VSTM2B: variants seen among roughly 807,000 people sequenced by gnomAD.
The protein encoded by VSTM2B is V-set and transmembrane domain containing 2B, also known as V-set and transmembrane domain-containing protein 2B.
VSTM2B carries 24 observed loss-of-function variants against 24.0 expected under a neutral mutation model. The observed-to-expected ratio is 1.00, with a 90% CI of 0.72 to 1.40. The LOEUF is 1.40. VSTM2B is among the 40% of genes most tolerant of loss of function. The pLI is 0.00. For missense variants in VSTM2B, 399 were observed against 416.4 expected, an observed-to-expected ratio of 0.96 and a Z score of 0.36; for synonymous variants, 226 against 194.4, an observed-to-expected ratio of 1.16 and a Z score of -1.35.
intron 4 of VSTM2B, among the ~76,000 whole-genome samples, chr19:29,556,359 T>TA (rs1417646468): frequency 2.0e-5 from 3 of 152,118 alleles, no homozygotes; most frequent in Admixed American, 1.3e-4. Flanking sequence ...AACTCTCAAT[T>TA]AACTAGGTAT....
At chr19:29,550,816 T>C in intron 4 of VSTM2B, among the ~76,000 whole-genome samples, 1 of 148,308 alleles carries the variant, frequency 6.7e-6, no homozygotes, top group East Asian at 2.0e-4. Flanking sequence ...TTTTACTTAC[T>C]CTTCTCAAAC....
At chr19:29,553,795 G>A (rs185108636) in intron 4 of VSTM2B, among the ~76,000 whole-genome samples, 13 of 152,234 alleles carry the variant, frequency 8.5e-5, no homozygotes, top group Admixed American at 4.6e-4. Flanking sequence ...ATCAATAGCC[G>A]AATTGACCAA....
At chr19:29,556,580 G>C (rs182230689) in intron 4 of VSTM2B, among the ~76,000 whole-genome samples, 173 of 149,784 alleles carry the variant, frequency 1.2e-3, no homozygotes, top group African/African-American at 4.3e-3. Context: ...AATAGGAAGA[G>C]AGGAAGTTGA....
chr19:29,527,827 G>A (rs922010270), intron 2 of VSTM2B, among the ~76,000 whole-genome samples: 1 of 152,170 alleles, frequency 6.6e-6, no homozygotes, highest in Non-Finnish European at 1.5e-5. Flanking sequence ...CCGGAAAGCC[G>A]GCAGGACCTC....
At chr19:29,547,084 G>A (rs1970173723) in intron 4 of VSTM2B, among the ~76,000 whole-genome samples, 1 of 152,150 alleles carries the variant, frequency 6.6e-6, no homozygotes, top group African/African-American at 2.4e-5. Context: ...TCTCAGTGTG[G>A]CCTTGGTTGG....
chr19:29,529,266 T>G (rs982229531), intron 3 of VSTM2B, among the ~76,000 whole-genome samples: 1 of 152,228 alleles, frequency 6.6e-6, no homozygotes, highest in African/African-American at 2.4e-5. Flanking sequence ...GTTGCTTGCC[T>G]TCTTAAGAAA....
intron 4 of VSTM2B, among the ~76,000 whole-genome samples, chr19:29,537,527 T>G (rs1362396955): frequency 1.3e-5 from 2 of 152,152 alleles, no homozygotes; most frequent in Non-Finnish European, 2.9e-5. Flanking sequence ...AGTTATTGGT[T>G]GTTCTGTTCT....
chr19:29,563,845 G>A lies in VSTM2B; in HGVS notation c.770-1G>A. ...CTTGCCTGTTTTCTCATCCCCTGCA[G>A]GCACCGGCCGTAGCTACACCACAGA... On this transcript the variant is annotated splice_acceptor_variant, in intron 4 of 4. Transcript: ENST00000335523. LOFTEE classifies it high-confidence loss of function. The A allele has an allele frequency of 6.4e-7, 1 of 1,552,240 alleles. No homozygotes were observed. Among genetic ancestry groups the A allele is most frequent in the Non-Finnish European group, 8.7e-7 (1 of 1,147,070 alleles).
chr19:29,530,394 G>A (rs578135755), intron 4 of VSTM2B, 104 bp downstream of exon 4: 15 of 1,070,214 alleles, frequency 1.4e-5, no homozygotes, highest in Admixed American at 4.1e-5. Context: ...CCCCCTGGGC[G>A]CATTTGCATA....
At chr19:29,557,319 G>A (rs527350349) in intron 4 of VSTM2B, among the ~76,000 whole-genome samples, 1 of 152,202 alleles carries the variant, frequency 6.6e-6, no homozygotes, top group Non-Finnish European at 1.5e-5. Context: ...AAATGGTGCT[G>A]GGAAAACTGG....
Position 29,529,774 on chromosome 19 carries a change from G to A in VSTM2B, c.298-45G>A, listed in dbSNP as rs562453487. On this transcript the variant is annotated intron_variant, in intron 3 of 4. Transcript: ENST00000335523. Reference sequence around the variant, plus strand: ...ACGGCCAGGGTGGCCAGAAGAGTAGGTTTGGGAGCTGCCCAGCCCGGCCTC... The same window carrying A: ...ACGGCCAGGGTGGCCAGAAGAGTAGATTTGGGAGCTGCCCAGCCCGGCCTC... 9 of 1,536,830 alleles carry A rather than the reference G, an allele frequency of 5.9e-6. No individual in the cohort carries two copies. In the East Asian group the frequency reaches 1.5e-4, roughly 25 times the overall value.
At position 29,537,158 on chromosome 19, in the gene VSTM2B, C is replaced by T. The variant is rs950306778; in HGVS notation, c.769+6868C>T. Among the ~76,000 whole-genome samples, 7 of 152,128 alleles carry T rather than the reference C, an allele frequency of 4.6e-5. 1 individual carries two copies. The highest frequency in any genetic ancestry group is 1.3e-4 in the Admixed American group (2 of 15,272). Reference sequence around the variant, plus strand: ...GAGATGGGAAGTCAGCAGGCTCAGCCCCTGTAACTCTTGATTCCTGACTAT... The same window carrying T: ...GAGATGGGAAGTCAGCAGGCTCAGCTCCTGTAACTCTTGATTCCTGACTAT... On this transcript the variant is annotated intron_variant, in intron 4 of 4. Coordinates refer to ENST00000335523, the MANE Select transcript of VSTM2B (RefSeq NM_001146339.2).
Position 29,563,877 on chromosome 19 carries a change from C to A in VSTM2B, c.801C>A (p.Leu267=). The A allele has an allele frequency of 6.4e-7, 1 of 1,552,372 alleles. No individual in the cohort carries two copies. Among genetic ancestry groups the A allele is most frequent in the Non-Finnish European group, 8.7e-7 (1 of 1,147,132 alleles). ...GCCGTAGCTACACCACAGACCCACT[C>A]TTGTCCCTGCTCCTGTTAGCTCTGC... ...GTGRSYTTDP[L]LSLLLLALHK... is the part of the protein sequence containing the mutation. Residue 267 remains leucine (L), a synonymous_variant, in exon 5 of 5, where the codon CTC becomes CTA. Coordinates refer to ENST00000335523, the MANE Select transcript of VSTM2B (RefSeq NM_001146339.2).
chr19:29,552,621 C>A (rs570371927), intron 4 of VSTM2B, among the ~76,000 whole-genome samples: 108 of 152,354 alleles, frequency 7.1e-4, no homozygotes, highest in African/African-American at 2.5e-3. Context: ...GGGTCCCAAG[C>A]ACGCCACTCA....
chr19:29,544,937 T>C (rs981876748), intron 4 of VSTM2B, among the ~76,000 whole-genome samples: 1 of 152,148 alleles, frequency 6.6e-6, no homozygotes, highest in Admixed American at 6.5e-5. Context: ...AATGAGGACA[T>C]ATGCAGCTGA....
At chr19:29,527,809 A>C (rs2145456024) in intron 2 of VSTM2B, among the ~76,000 whole-genome samples, 1 of 151,788 alleles carries the variant, frequency 6.6e-6, no homozygotes, top group Admixed American at 6.6e-5. Context: ...CCACCAGAAA[A>C]CCGAGTACCG....
intron 4 of VSTM2B, among the ~76,000 whole-genome samples, chr19:29,556,859 A>C (rs1195629476): frequency 6.6e-6 from 1 of 152,208 alleles, no homozygotes; most frequent in Admixed American, 6.5e-5. Context: ...AGAACTACAA[A>C]TCACTGCTCA....
At chr19:29,562,877 G>T (rs938030104) in intron 4 of VSTM2B, among the ~76,000 whole-genome samples, 2 of 152,136 alleles carry the variant, frequency 1.3e-5, no homozygotes, top group South Asian at 2.1e-4. Context: ...CAGGCCAGGG[G>T]CCAGGTTATG....
chr19:29,528,687 T>A (rs1969647170), intron 3 of VSTM2B, among the ~76,000 whole-genome samples: 1 of 152,150 alleles, frequency 6.6e-6, no homozygotes, highest in Admixed American at 6.5e-5. Flanking sequence ...AAGGCTTGAG[T>A]CCCCTAATTC....
Sources: allele counts gnomAD v4.1 joint callset (sites outside exome capture counted in the v4.1 genomes callset), GRCh38; gene constraint gnomAD v4.1.1; transcripts MANE v1.5; gene names NCBI Gene and HGNC (gene_info 2026-07-23, HGNC 2026-07-21).